Variants in NKPD1 observed in about 807,000 individuals in gnomAD.
NKPD1 encodes NTPase KAP family P-loop domain-containing protein 1.
A neutral mutation model predicts 42.2 loss-of-function variants in NKPD1; 37 were observed. The observed-to-expected ratio is 0.88, with a 90% CI of 0.67 to 1.15. NKPD1 has a LOEUF of 1.15. Ranked by LOEUF, NKPD1 falls within the 50% of genes most tolerant of loss-of-function variation. NKPD1 has a pLI of 0.00. For missense variants in NKPD1, 1,113 were observed against 1,174.6 expected (o/e 0.95, Z 0.77); for synonymous variants, 552 against 536.5 (o/e 1.03, Z -0.40).
At position 45,158,817 on chromosome 19, in the gene NKPD1, C is replaced by T. The variant is rs1968952220; in HGVS notation, c.375G>A (p.Gln125=). The T allele has an allele frequency of 1.6e-6, 2 of 1,271,844 alleles. No individual in the cohort carries two copies. The highest frequency in any genetic ancestry group is 2.6e-5 in the South Asian group (2 of 76,960). The allele number at this position is 1,271,844 out of a possible 1,614,324, so 78.8% of individuals were successfully genotyped here. The change falls in exon 3 of 5, where the codon CAG becomes CAA. Residue 125 remains glutamine (Q), a synonymous_variant. Coordinates refer to ENST00000686631, the MANE Select transcript of NKPD1 (RefSeq NM_198478.4). The surrounding 1 kb of genome is among the most constrained non-coding windows in gnomAD (Gnocchi z 4.6). ...TVPKEPASAP[Q]APTLPTTAPA... ...GTGCCGTGGTGGGTAAGGTGGGCGCCTGAGGGGCGCTGGCAGGTTCCTTGG... is the reference window on the plus strand; with the variant it reads ...GTGCCGTGGTGGGTAAGGTGGGCGCTTGAGGGGCGCTGGCAGGTTCCTTGG...
At position 45,150,655 on chromosome 19, in the gene NKPD1, C is replaced by T. The variant is rs1327197671; in HGVS notation, c.*1283G>A. Reference sequence around the variant, plus strand: ...AGTCCAGGAATGGGAAACAGCACCTCTGCTTGCCCAGCCCCAGGGAAGATC... The same window carrying T: ...AGTCCAGGAATGGGAAACAGCACCTTTGCTTGCCCAGCCCCAGGGAAGATC... On this transcript the variant is annotated 3_prime_UTR_variant, in exon 5 of 5. Transcript: ENST00000686631. The T allele has an allele frequency of 6.6e-6, 1 of 152,352 alleles. No individual in the cohort carries two copies. The highest frequency in any genetic ancestry group is 2.4e-5 in the African/African-American group (1 of 41,472). The allele number at this position is 152,352 out of a possible 1,614,324, so 9.4% of individuals were successfully genotyped here.
chr19:45,157,470 G>A lies in NKPD1; in HGVS notation c.529+1193C>T, dbSNP rs142360044. ...TCTGTCACCCAGGCTGGAGTGCAGC[G>A]GCACAATTATAAGTCACTGCAGCCT... On this transcript the variant is annotated intron_variant, in intron 3 of 4. Coordinates refer to ENST00000686631, the MANE Select transcript of NKPD1 (RefSeq NM_198478.4). 2.3e-3 allele frequency among the ~76,000 whole-genome samples: 351 copies of A among 152,268 alleles called. 1 individual carries two copies. Among genetic ancestry groups the A allele is most frequent in the African/African-American group, 7.9e-3 (329 of 41,540 alleles).
chr19:45,155,316 CAA>C lies in NKPD1; in HGVS notation c.661+467_661+468del, dbSNP rs879620181. On this transcript the variant is annotated intron_variant, in intron 4 of 4. Transcript: ENST00000686631. ...CTGGAGACAGAGCAAGATTCCGTCTCAAAAAAAAAAAGCTGCTGGGGAACCTG... is the reference window on the plus strand; with the variant it reads ...CTGGAGACAGAGCAAGATTCCGTCTCAAAAAAAAAGCTGCTGGGGAACCTG... Among the ~76,000 whole-genome samples, 400 of 142,164 alleles carry C rather than the reference CAA, an allele frequency of 2.8e-3. 2 individuals are homozygous for C. The highest frequency in any genetic ancestry group is 9.5e-3 in the African/African-American group (373 of 39,068). 93.3% of individuals were successfully genotyped at this position (142,164 alleles called of 152,430 possible). A position where few individuals can be genotyped will look rare whatever the true frequency, so the allele number is the denominator to read the frequency against.
chr19:45,159,185 G>A (rs1968962560), intron 2 of NKPD1, 85 bp from the exon 3 acceptor site: 1 of 1,190,440 alleles, frequency 8.4e-7, no homozygotes, highest in Admixed American at 3.7e-5. Context: ...TCTTCAGGTA[G>A]AACCTGGGGG....
At chr19:45,157,708 G>T (rs560086164) in intron 3 of NKPD1, among the ~76,000 whole-genome samples, 1 of 123,996 alleles carries the variant, frequency 8.1e-6, no homozygotes, top group African/African-American at 3.1e-5. Context: ...GAGCCAGTGC[G>T]CCCAGACATA....
intron 3 of NKPD1, among the ~76,000 whole-genome samples, chr19:45,156,238 C>T (rs888080058): frequency 1.1e-4 from 16 of 152,286 alleles, no homozygotes; most frequent in Non-Finnish European, 1.9e-4. Flanking sequence ...GTGATTCCCC[C>T]GGGGAAAATC....
At position 45,151,884 on chromosome 19, in the gene NKPD1, C is replaced by A; in HGVS notation, c.*54G>T. On this transcript the variant is annotated 3_prime_UTR_variant, in exon 5 of 5. Coordinates refer to ENST00000686631, the MANE Select transcript of NKPD1 (RefSeq NM_198478.4). ...GGCCCCAGTCCAGCCCCCTATTCTCCCATCTGGGCAGATGGAGGAACCCTT... is the reference window on the plus strand; with the variant it reads ...GGCCCCAGTCCAGCCCCCTATTCTCACATCTGGGCAGATGGAGGAACCCTT... The A allele has an allele frequency of 2.0e-6, 3 of 1,465,218 alleles. No homozygotes were observed. The highest frequency in any genetic ancestry group is 2.7e-6 in the Non-Finnish European group (3 of 1,103,370). 90.8% of individuals were successfully genotyped at this position (1,465,218 alleles called of 1,614,324 possible).
In NKPD1 at chr19:45,160,962, G is replaced by A. The variant is rs1968993578; in HGVS notation, c.-109C>T. On this transcript the variant is annotated 5_prime_UTR_variant, in exon 1 of 5. Coordinates refer to ENST00000686631, the MANE Select transcript of NKPD1 (RefSeq NM_198478.4). ...TCACGGCCCCAGCTGCCTGCCCCAC[G>A]AGCAGCTGCCACACCAGCCCGGACT... Among the ~76,000 whole-genome samples, 1 of 151,940 alleles carries A rather than the reference G, an allele frequency of 6.6e-6. No homozygotes were observed. The highest frequency in any genetic ancestry group is 2.1e-4 in the South Asian group (1 of 4,808).
chr19:45,151,935 C>G lies in NKPD1; in HGVS notation c.*3G>C. On this transcript the variant is annotated 3_prime_UTR_variant, in exon 5 of 5. Transcript: ENST00000686631. ...GCCTCCTGCTGCCCGCCAAGTCCTC[C>G]ATTTAAGGCCCACCTGGGCTGGATT... The G allele has an allele frequency of 6.5e-7, 1 of 1,543,458 alleles. No individual in the cohort carries two copies.
Position 45,160,092 on chromosome 19 carries a change from T to G in NKPD1, c.59A>C (p.Tyr20Ser). The change falls in exon 2 of 5, where the codon TAC becomes TCC. Residue 20 changes from tyrosine to serine, a missense_variant. Around this residue, in one of 3 missense-constraint regions of NKPD1, gnomAD observed 204 missense variants for 227.8 expected, o/e 0.90. Coordinates refer to ENST00000686631, the MANE Select transcript of NKPD1 (RefSeq NM_198478.4). The stretch of plus-strand genomic sequence containing the variant: ...GTGCCCCAACTCTGGGTCCCAGAAG[T>G]AGTGCCCGTTGGGGCTCTGGGCATC... ...AKDAQSPNGH[Y>S]FWDPELGHRK... 2 of 1,304,710 alleles carry G rather than the reference T, an allele frequency of 1.5e-6. No homozygotes were observed. The highest frequency in any genetic ancestry group is 2.0e-6 in the Non-Finnish European group (2 of 988,546). The allele number at this position is 1,304,710 out of a possible 1,614,324, so 80.8% of individuals were successfully genotyped here.
At position 45,151,854 on chromosome 19, in the gene NKPD1, G is replaced by A. The variant is rs1599718298; in HGVS notation, c.*84C>T. On this transcript the variant is annotated 3_prime_UTR_variant, in exon 5 of 5. Transcript: ENST00000686631. Reference sequence around the variant, plus strand: ...CTCACAGGGCTCATTCGGACCCTGGGTTGCGGCCCCAGTCCAGCCCCCTAT... The same window carrying A: ...CTCACAGGGCTCATTCGGACCCTGGATTGCGGCCCCAGTCCAGCCCCCTAT... 2.2e-6 allele frequency: 3 copies of A among 1,382,288 alleles called. No homozygotes were observed. Among genetic ancestry groups the A allele is most frequent in the Admixed American group, 2.8e-5 (1 of 35,244 alleles). The allele number at this position is 1,382,288 out of a possible 1,614,324, so 85.6% of individuals were successfully genotyped here. A position where few individuals can be genotyped will look rare whatever the true frequency, so the allele number is the denominator to read the frequency against.
rs1968755935 is a variant in NKPD1 at position 45,150,377 on chromosome 19, ATC to A, written c.*1559_*1560del. The A allele has an allele frequency of 6.6e-6, 1 of 152,172 alleles. No homozygotes were observed. Among genetic ancestry groups the A allele is most frequent in the African/African-American group, 2.4e-5 (1 of 41,428 alleles). 9.4% of individuals were successfully genotyped at this position (152,172 alleles called of 1,614,324 possible). On this transcript the variant is annotated 3_prime_UTR_variant, in exon 5 of 5. Coordinates refer to ENST00000686631, the MANE Select transcript of NKPD1 (RefSeq NM_198478.4). ...CCTCCAGCCAAGTCTACACGTTAGC[ATC>A]TCTCACAGCACCCCACTCCTGGTAA...
rs1246152518 is a variant in NKPD1 at position 45,152,675 on chromosome 19, G to C, written c.1762C>G (p.Arg588Gly). The change falls in exon 5 of 5, where the codon CGC becomes GGC. Residue 588 changes from arginine (R) to glycine (G), a missense_variant. Coordinates refer to ENST00000686631, the MANE Select transcript of NKPD1 (RefSeq NM_198478.4). ...AQAGTERGQG[R>G]IDDEAARRIQ... is the part of the protein sequence containing the mutation. Reference sequence around the variant, plus strand: ...CGCCGCGCCGCCTCGTCGTCGATGCGGCCCTGCCCGCGCTCCGTCCCCGCC... The same window carrying C: ...CGCCGCGCCGCCTCGTCGTCGATGCCGCCCTGCCCGCGCTCCGTCCCCGCC... 1.3e-6 allele frequency: 2 copies of C among 1,539,878 alleles called. No individual in the cohort carries two copies. The highest frequency in any genetic ancestry group is 1.2e-5 in the South Asian group (1 of 84,698).
At chr19:45,157,719 CTTTTTTTTTTTTT>C (rs34991759) in intron 3 of NKPD1, among the ~76,000 whole-genome samples, 1 of 83,352 alleles carries the variant, frequency 1.2e-5, no homozygotes, top group African/African-American at 5.1e-5. Flanking sequence ...CCCAGACATA[CTTTTTTTTTTTTT>C]TTTTTTTTTT....
chr19:45,160,865 G>C (rs890898046), intron 1 of NKPD1, among the ~76,000 whole-genome samples, 60 bp downstream of exon 1: 2 of 151,968 alleles, frequency 1.3e-5, no homozygotes, highest in African/African-American at 4.8e-5. Context: ...GGAAACTGGG[G>C]TGCTGAGAGT....
chr19:45,159,112 G>T lies in NKPD1; in HGVS notation c.92-12C>A. 1.6e-6 allele frequency: 2 copies of T among 1,271,060 alleles called. No individual in the cohort carries two copies. Among genetic ancestry groups the T allele is most frequent in the Non-Finnish European group, 1.0e-6 (1 of 980,840 alleles). The allele number at this position is 1,271,060 out of a possible 1,614,324, so 78.7% of individuals were successfully genotyped here. ...CTGATGACAGCATCCTGGAAGGAAG[G>T]AAGTGGGGGTGACTGGGCCTGTGTC... On this transcript the variant is annotated splice_polypyrimidine_tract_variant and intron_variant, in intron 2 of 4. Transcript: ENST00000686631.
In NKPD1 at chr19:45,158,402, G is replaced by A. The variant is rs1256708787; in HGVS notation, c.529+261C>T. On this transcript the variant is annotated intron_variant, in intron 3 of 4. Coordinates refer to ENST00000686631, the MANE Select transcript of NKPD1 (RefSeq NM_198478.4). The surrounding 1 kb of genome is among the most constrained non-coding windows in gnomAD (Gnocchi z 4.6). ...AGCCAGGGTGTCGGCAGAGGGAAAGGGGGAAGGAGAGGGAGGCCTTCACTG... is the reference window on the plus strand; with the variant it reads ...AGCCAGGGTGTCGGCAGAGGGAAAGAGGGAAGGAGAGGGAGGCCTTCACTG... Among the ~76,000 whole-genome samples, 1 of 152,270 alleles carries A rather than the reference G, an allele frequency of 6.6e-6. No homozygotes were observed. Among genetic ancestry groups the A allele is most frequent in the Non-Finnish European group, 1.5e-5 (1 of 68,046 alleles).
Position 45,153,347 on chromosome 19 carries a change from C to T in NKPD1, c.1090G>A (p.Gly364Ser), listed in dbSNP as rs562741117. Residue 364 changes from glycine to serine, a missense_variant, in exon 5 of 5, where the codon GGC becomes AGC. Gly to Ser is a moderately conservative substitution (Grantham distance 56). Coordinates refer to ENST00000686631, the MANE Select transcript of NKPD1 (RefSeq NM_198478.4). ...GVGLLYLSLG[G>S]HALGHGSPSG... ...GGGCTGCCGTGGCCCAGCGCGTGGCCGCCCAGTGACAAGTAGAGCAGCCCC... is the reference window on the plus strand; with the variant it reads ...GGGCTGCCGTGGCCCAGCGCGTGGCTGCCCAGTGACAAGTAGAGCAGCCCC... 3 of 1,568,976 alleles carry T rather than the reference C, an allele frequency of 1.9e-6. No homozygotes were observed. Among genetic ancestry groups the T allele is most frequent in the South Asian group, 1.2e-5 (1 of 86,346 alleles).
intron 2 of NKPD1, 141 bp downstream of exon 2, chr19:45,159,919 G>A: frequency 2.8e-6 from 1 of 360,188 alleles, no homozygotes; most frequent in South Asian, 2.4e-5. Flanking sequence ...CCCAGGCCCT[G>A]CTGCTACACA....
Sources: allele counts gnomAD v4.1 joint callset (sites outside exome capture counted in the v4.1 genomes callset), GRCh38; gene constraint gnomAD v4.1.1; regional missense constraint gnomAD v4.1.1; non-coding constraint Gnocchi (gnomAD v3.1); transcripts MANE v1.5; gene names NCBI Gene and HGNC (gene_info 2026-07-23, HGNC 2026-07-21).